Variants in TLE4 observed in about 807,000 individuals in gnomAD.
The protein encoded by TLE4 is TLE family member 4, transcriptional corepressor, also known as transducin-like enhancer protein 4.
In TLE4, 8 loss-of-function variants were observed where a neutral mutation model predicts 92.8. The ratio of observed to expected loss-of-function variants is 0.09; its 90% CI spans 0.05 to 0.16. TLE4 has a LOEUF of 0.16. TLE4 is among the 10% of genes least tolerant of loss of function. The pLI, the probability that TLE4 is intolerant of heterozygous loss-of-function variation, is 1.00. For synonymous variants in TLE4, 371 were observed against 374.1 expected (o/e 0.99, Z 0.10); for missense variants, 675 against 997.6 (o/e 0.68, Z 4.36).
intron 8 of TLE4, among the ~76,000 whole-genome samples, chr9:79,682,009 C>T (rs1193192819): frequency 6.6e-6 from 1 of 151,624 alleles, no homozygotes; most frequent in African/African-American, 2.4e-5. Context: ...TCTCATGTAA[C>T]CTGTTATTGT....
chr9:79,716,682 C>T (rs73652243), intron 14 of TLE4, among the ~76,000 whole-genome samples: 16 of 152,164 alleles, frequency 1.1e-4, no homozygotes, highest in Admixed American at 7.2e-4. Context: ...TCAGACAATT[C>T]GTACCCATTC....
intron 6 of TLE4, among the ~76,000 whole-genome samples, chr9:79,629,517 A>G (rs2053618269): frequency 6.6e-6 from 1 of 152,208 alleles, no homozygotes; most frequent in Admixed American, 6.5e-5. Context: ...AGCTAACTTA[A>G]TTTTGTGACC....
chr9:79,666,204 G>T (rs1238319597), intron 8 of TLE4, among the ~76,000 whole-genome samples: 28 of 99,478 alleles, frequency 2.8e-4, no homozygotes, highest in East Asian at 2.7e-3. Context: ...TGTGGGTGGG[G>T]TTTTTTTTTT....
intron 6 of TLE4, among the ~76,000 whole-genome samples, chr9:79,631,616 A>ATGTGTCTG (rs2054230163): frequency 8.5e-6 from 1 of 118,162 alleles, no homozygotes; most frequent in African/African-American, 3.1e-5. Flanking sequence ...TGAACCTTAA[A>ATGTGTCTG]TGTGTGTGTG....
At chr9:79,645,357 G>A (rs1934827771) in intron 6 of TLE4, among the ~76,000 whole-genome samples, 4 of 152,134 alleles carry the variant, frequency 2.6e-5, no homozygotes. Context: ...GAGTTGGAGT[G>A]GGGGTGAACA....
At chr9:79,707,255 C>T (rs1169946003) in intron 11 of TLE4, 27 of 1,563,890 alleles carry the variant, frequency 1.7e-5, no homozygotes, top group Non-Finnish European at 2.1e-5. Flanking sequence ...GATTTTGTTG[C>T]TAGCTTTGTT....
At chr9:79,618,443 T>G (rs567558107) in intron 5 of TLE4, among the ~76,000 whole-genome samples, 10 of 152,356 alleles carry the variant, frequency 6.6e-5, no homozygotes, top group Non-Finnish European at 1.5e-4. Flanking sequence ...AGAACCTACA[T>G]GAACAGTATG....
At chr9:79,690,092 A>G (rs1038641582) in intron 8 of TLE4, among the ~76,000 whole-genome samples, 1 of 151,390 alleles carries the variant, frequency 6.6e-6, no homozygotes, top group Non-Finnish European at 1.5e-5. Context: ...AGATTTTAAG[A>G]CTCCTTTTGG....
chr9:79,608,573 TA>T (rs1244714670), intron 4 of TLE4, among the ~76,000 whole-genome samples: 1 of 152,058 alleles, frequency 6.6e-6, no homozygotes. Flanking sequence ...GATTCATCTT[TA>T]AAAAAATTTT....
chr9:79,682,347 T>C (rs1242219430), intron 8 of TLE4, among the ~76,000 whole-genome samples: 1 of 152,198 alleles, frequency 6.6e-6, no homozygotes, highest in African/African-American at 2.4e-5. Context: ...ATGCATCATA[T>C]TGCCTTTAGG....
chr9:79,652,847 G>A (rs765363591), intron 7 of TLE4, 53 bp downstream of exon 7: 9 of 1,563,064 alleles, frequency 5.8e-6, no homozygotes, highest in Non-Finnish European at 7.9e-6. Context: ...GCTGCTGAGG[G>A]TAGGTTCTGG....
intron 4 of TLE4, among the ~76,000 whole-genome samples, chr9:79,581,665 T>A (rs953708878): frequency 6.6e-6 from 1 of 152,236 alleles, no homozygotes; most frequent in African/African-American, 2.4e-5. Context: ...CAGGGTCAGC[T>A]CTGCACAAGG....
intron 8 of TLE4, among the ~76,000 whole-genome samples, chr9:79,698,028 A>T (rs969202899): frequency 6.6e-6 from 1 of 152,194 alleles, no homozygotes; most frequent in Non-Finnish European, 1.5e-5. Flanking sequence ...ACATTTGCCA[A>T]AAGGGAATAG....
chr9:79,632,848 T>TTA (rs1446387418), intron 6 of TLE4, among the ~76,000 whole-genome samples: 1 of 152,146 alleles, frequency 6.6e-6, no homozygotes, highest in Non-Finnish European at 1.5e-5. Context: ...CTTAAAGGCT[T>TTA]TATAAAACAT....
At chr9:79,615,095 A>G (rs1292810352) in intron 5 of TLE4, among the ~76,000 whole-genome samples, 1 of 152,116 alleles carries the variant, frequency 6.6e-6, no homozygotes, top group Non-Finnish European at 1.5e-5. Flanking sequence ...GATGTTTTTT[A>G]TCTGAACATC....
At chr9:79,583,695 C>T (rs972586044) in intron 4 of TLE4, among the ~76,000 whole-genome samples, 2 of 151,958 alleles carry the variant, frequency 1.3e-5, no homozygotes, top group Non-Finnish European at 2.9e-5. Flanking sequence ...TATTCTGTTT[C>T]TGAAGGTCTG....
chr9:79,714,023 A>G (rs145115892), intron 14 of TLE4, among the ~76,000 whole-genome samples: 3 of 151,736 alleles, frequency 2.0e-5, no homozygotes, highest in African/African-American at 7.3e-5. Flanking sequence ...GCGCCACCAC[A>G]CCTGGCTAAT....
intron 8 of TLE4, among the ~76,000 whole-genome samples, chr9:79,693,303 A>C (rs2067474496): frequency 6.6e-6 from 1 of 151,912 alleles, no homozygotes; most frequent in African/African-American, 2.4e-5. Flanking sequence ...TCCCCCACCC[A>C]ACCTCTGTGG....
intron 8 of TLE4, among the ~76,000 whole-genome samples, chr9:79,702,041 A>C (rs2070069670): frequency 6.6e-6 from 1 of 152,216 alleles, no homozygotes; most frequent in Non-Finnish European, 1.5e-5. Context: ...ATTCTTAAGG[A>C]TAGTGGGGGA....
Sources: allele counts gnomAD v4.1 joint callset (sites outside exome capture counted in the v4.1 genomes callset), GRCh38; gene constraint gnomAD v4.1.1; transcripts MANE v1.5; gene names NCBI Gene and HGNC (gene_info 2026-07-23, HGNC 2026-07-21).